SLC8B1: variants seen among roughly 807,000 people sequenced by gnomAD.
SLC8B1 encodes solute carrier family 8 member B1, also known as mitochondrial sodium/calcium exchanger protein.
In SLC8B1, 52 loss-of-function variants were observed where a neutral mutation model predicts 63.4. The ratio of observed to expected loss-of-function variants is 0.82; its 90% CI spans 0.66 to 1.03. The LOEUF (loss-of-function observed/expected upper bound fraction) is 1.03. Ranked by LOEUF, SLC8B1 falls within the 50% of genes least tolerant of loss-of-function variation. The pLI is 0.00. For missense variants in SLC8B1, 657 were observed against 741.7 expected, an observed-to-expected ratio of 0.89 and a Z score of 1.33; for synonymous variants, 336 against 323.9, an observed-to-expected ratio of 1.04 and a Z score of -0.40.
intron 8 of SLC8B1, among the ~76,000 whole-genome samples, 163 bp downstream of exon 8, chr12:113,318,801 G>T (rs951453396): frequency 1.2e-4 from 18 of 152,110 alleles, no homozygotes. Context: ...ATGGGTACCA[G>T]TGGAAGCACG....
intron 12 of SLC8B1, among the ~76,000 whole-genome samples, chr12:113,309,794 A>G (rs1956730489): frequency 1.3e-5 from 2 of 152,036 alleles, no homozygotes; most frequent in Non-Finnish European, 1.5e-5. Context: ...TTCTATTTAT[A>G]TAAAATGTCC....
chr12:113,316,040 C>T (rs775872963), intron 10 of SLC8B1, among the ~76,000 whole-genome samples: 2 of 152,012 alleles, frequency 1.3e-5, no homozygotes, highest in East Asian at 1.9e-4. Flanking sequence ...CTGGCTAACA[C>T]GGTGAAACCC....
intron 13 of SLC8B1, among the ~76,000 whole-genome samples, chr12:113,307,127 A>C (rs1464211454): frequency 2.8e-5 from 4 of 141,028 alleles, no homozygotes; most frequent in Middle Eastern, 3.6e-3. Flanking sequence ...AAAAAAAAAA[A>C]AAAAAAAAAA....
intron 7 of SLC8B1, 174 bp from the exon 8 acceptor site, chr12:113,319,245 C>G: frequency 1.7e-6 from 1 of 586,134 alleles, no homozygotes; most frequent in Non-Finnish European, 3.1e-6. Flanking sequence ...CTCCTGCCTT[C>G]CAGGACCATC....
In SLC8B1 at chr12:113,304,377, C is replaced by T. The variant is rs144868306; in HGVS notation, c.1501G>A (p.Val501Met). ...AGCAGGCAGCCCAGCCCCACACCCA[C>T]GAGGATGTCTGCAGCCCAGCTCAGG... ...CFGGIIFNILVGVGLGCLLQI... is the reference protein window; with the variant it reads ...CFGGIIFNILMGVGLGCLLQI... The change falls in exon 15 of 16, where the codon GTG (valine) becomes ATG (methionine). Residue 501 changes from valine (V) to methionine (M), a missense_variant. Val to Met is a conservative substitution (Grantham distance 21). Coordinates refer to ENST00000680972, the MANE Select transcript of SLC8B1 (RefSeq NM_001358345.2). 2.5e-5 allele frequency: 41 copies of T among 1,613,826 alleles called. No homozygotes were observed. The highest frequency in any genetic ancestry group is 2.3e-4 in the Admixed American group (14 of 60,006).
Position 113,304,330 on chromosome 12 carries a change from T to C in SLC8B1, c.1548A>G (p.Thr516=). The C allele has an allele frequency of 6.2e-7, 1 of 1,613,986 alleles. No homozygotes were observed. The highest frequency in any genetic ancestry group is 8.5e-7 in the Non-Finnish European group (1 of 1,179,882). The change falls in exon 15 of 16, where the codon ACA becomes ACG. Residue 516 remains threonine (T), a synonymous_variant. Coordinates refer to ENST00000680972, the MANE Select transcript of SLC8B1 (RefSeq NM_001358345.2). ...TACAAGGAATACTCACCTTCACTTC[T>C]GTGTGGCTTCGGGAGATCTGGAGCA... ...GCLLQISRSH[T]EVKLEPDGLL...
At chr12:113,321,634 GTCCCACCAT>G (rs1234486070) in intron 2 of SLC8B1, among the ~76,000 whole-genome samples, 1 of 151,698 alleles carries the variant, frequency 6.6e-6, no homozygotes, top group East Asian at 1.9e-4. Flanking sequence ...CTCTCCAGTG[GTCCCACCAT>G]AATTAGTTTG....
At chr12:113,304,807 T>C (rs1036152586) in intron 14 of SLC8B1, among the ~76,000 whole-genome samples, 4 of 152,180 alleles carry the variant, frequency 2.6e-5, no homozygotes, top group African/African-American at 9.7e-5. Context: ...CTTGCTGTGT[T>C]GCCCAGGCAA....
At chr12:113,311,742 C>T (rs1461435162) in intron 11 of SLC8B1, among the ~76,000 whole-genome samples, 1 of 123,356 alleles carries the variant, frequency 8.1e-6, no homozygotes, top group Non-Finnish European at 1.6e-5. Context: ...CTCGATGTAT[C>T]AACCAGGCTG....
At position 113,332,799 on chromosome 12, in the gene SLC8B1, G is replaced by T. The variant is rs375292232; in HGVS notation, c.80C>A (p.Thr27Asn). 5.1e-5 allele frequency: 82 copies of T among 1,614,064 alleles called. 2 individuals carry two copies. Among genetic ancestry groups the T allele is most frequent in the Non-Finnish European group, 6.9e-5 (81 of 1,180,040 alleles). The change falls in exon 2 of 16, where the codon ACT (threonine) becomes AAT (asparagine). Residue 27 changes from threonine (T) to asparagine (N), a missense_variant. Thr to Asn is a moderately conservative substitution (Grantham distance 65). Transcript: ENST00000680972. The part of the protein sequence containing the change: ...VLLMAETVSG[T>N]RGSSTGAHIS... ...GTGAGCTCCTGTAGACGAGCCCCTA[G>T]TCCCAGACACTGTCTCCGCCATTAG...
At chr12:113,317,858 GT>G (rs1956856621) in intron 8 of SLC8B1, among the ~76,000 whole-genome samples, 4 of 152,084 alleles carry the variant, frequency 2.6e-5, no homozygotes, top group Admixed American at 1.3e-4. Context: ...ATTTGTGTAT[GT>G]GTATGCTGCA....
At chr12:113,310,958 A>G (rs772799367) in intron 11 of SLC8B1, among the ~76,000 whole-genome samples, 14 of 152,254 alleles carry the variant, frequency 9.2e-5, no homozygotes, top group Non-Finnish European at 1.9e-4. Context: ...ACCTGCATCA[A>G]GACCCTTCTT....
intron 14 of SLC8B1, among the ~76,000 whole-genome samples, chr12:113,304,814 G>A (rs779524482): frequency 4.6e-5 from 7 of 152,206 alleles, no homozygotes; most frequent in Admixed American, 1.3e-4. Flanking sequence ...TGTTGCCCAG[G>A]CAAATCTCAA....
At chr12:113,306,802 T>C in intron 13 of SLC8B1, 1 of 545,972 alleles carries the variant, frequency 1.8e-6, no homozygotes, top group Non-Finnish European at 3.3e-6. Context: ...CAGGAACAAC[T>C]TTGCAGGTGT....
chr12:113,328,486 T>C (rs16942754), intron 2 of SLC8B1, among the ~76,000 whole-genome samples: 18,567 of 152,162 alleles, frequency 0.12, 1,288 homozygotes, highest in African/African-American at 0.2. Context: ...GCTGAAGAGC[T>C]CTCCTTTGCC....
chr12:113,304,176 G>A (rs955027589), intron 15 of SLC8B1, 145 bp downstream of exon 15: 18 of 623,758 alleles, frequency 2.9e-5, no homozygotes, highest in African/African-American at 2.8e-4. Context: ...TACCACACCC[G>A]GCCAAGATGT....
intron 2 of SLC8B1, among the ~76,000 whole-genome samples, chr12:113,331,095 C>T (rs1438779275): frequency 6.6e-6 from 1 of 152,144 alleles, no homozygotes; most frequent in Non-Finnish European, 1.5e-5. Flanking sequence ...AGCACCAGCA[C>T]ACCCTCAGCT....
chr12:113,303,323 T>C (rs1224722616), intron 15 of SLC8B1, among the ~76,000 whole-genome samples: 1 of 152,184 alleles, frequency 6.6e-6, no homozygotes, highest in Non-Finnish European at 1.5e-5. Flanking sequence ...CCTAAGTAGC[T>C]GTTTGCTTGT....
chr12:113,316,831 G>A, intron 9 of SLC8B1, 111 bp downstream of exon 9: 1 of 1,484,666 alleles, frequency 6.7e-7, no homozygotes, highest in Non-Finnish European at 9.3e-7. Context: ...TGAGAGGTGG[G>A]GCCGATTTGG....
Sources: gnomAD v4.1 joint callset for allele counts (sites outside exome capture counted in the v4.1 genomes callset) on GRCh38, gnomAD v4.1.1 for gene constraint, MANE v1.5 for transcripts, NCBI Gene and HGNC (gene_info 2026-07-23, HGNC 2026-07-21) for gene names.